Variants in GRID1 observed in about 807,000 individuals in gnomAD.
GRID1 encodes glutamate receptor ionotropic, delta-1.
Under a neutral mutation model 98.0 loss-of-function variants are expected in GRID1, and 28 were observed. The ratio of observed to expected loss-of-function variants is 0.29; its 90% confidence interval spans 0.21 to 0.39. The LOEUF (loss-of-function observed/expected upper bound fraction) is 0.39, where lower values mean the gene tolerates loss of function less well. Ranked by LOEUF, GRID1 falls within the 10% of genes least tolerant of loss-of-function variation. The pLI is 1.00. For missense variants in GRID1, 1,111 were observed against 1,340.5 expected, an observed-to-expected ratio of 0.83 and a Z score of 2.67; for synonymous variants, 553 against 538.5, an observed-to-expected ratio of 1.03 and a Z score of -0.37.
In GRID1 at chr10:85,602,353, G is replaced by A. The variant is rs200155023; in HGVS notation, c.2950C>T (p.Pro984Ser). ...GLFRQSPVKT[P>S]IPMSFQPVPG... ...ACGGGCTGGAAGGACATGGGGATGG[G>A]GGTCTTCACCGGGCTCTGCCGGAAC... is the stretch of plus-strand genomic sequence containing the variant. Residue 984 changes from proline to serine, a missense_variant, in exon 16 of 16, where the codon CCC becomes TCC. This residue lies in a region of GRID1 where 762 missense variants were observed against 869.1 expected (regional missense o/e 0.88). Transcript: ENST00000327946. 7.2e-5 allele frequency: 115 copies of A among 1,592,512 alleles called. No homozygotes were observed. The highest frequency in any genetic ancestry group is 2.4e-4 in the African/African-American group (18 of 74,724).
chr10:85,951,309 AT>A (rs1310245912), intron 4 of GRID1, among the ~76,000 whole-genome samples: 1 of 152,214 alleles, frequency 6.6e-6, no homozygotes, highest in Non-Finnish European at 1.5e-5. Flanking sequence ...ATCAGAGCAA[AT>A]AAAAGGACAA....
At chr10:85,653,354 G>A (rs1422489436) in intron 12 of GRID1, among the ~76,000 whole-genome samples, 1 of 152,210 alleles carries the variant, frequency 6.6e-6, no homozygotes, top group Non-Finnish European at 1.5e-5. Context: ...TGACATCTAG[G>A]GCATGTGTTT....
chr10:86,260,867 C>T lies in GRID1; in HGVS notation c.236-54219G>A, dbSNP rs1589429687. 2.0e-5 allele frequency among the ~76,000 whole-genome samples: 3 copies of T among 152,248 alleles called. No individual in the cohort carries two copies. In the East Asian group the frequency reaches 5.8e-4, roughly 29 times the overall value. ...GCTGATAAGACAGCCGGTTCCTTCA[C>T]CTGTGATGGAGGAAATGTTTTGTAT... On this transcript the variant is annotated intron_variant, in intron 2 of 15. Coordinates refer to ENST00000327946, the MANE Select transcript of GRID1 (RefSeq NM_017551.3).
Position 85,927,530 on chromosome 10 carries a change from T to C in GRID1, c.727-11291A>G, listed in dbSNP as rs564842662. Among the ~76,000 whole-genome samples the C allele has an allele frequency of 1.0e-4, 15 of 145,904 alleles. 1 individual carries two copies. The South Asian group carries it at 3.3e-3, about 32-fold the overall frequency. ...TCTTGTAAAAAAAAAAAAAAATCTGTGGGAAAGTTGGAGATATACTGCACT... is the reference window on the plus strand; with the variant it reads ...TCTTGTAAAAAAAAAAAAAAATCTGCGGGAAAGTTGGAGATATACTGCACT... On this transcript the variant is annotated intron_variant, in intron 4 of 15. Coordinates refer to ENST00000327946, the MANE Select transcript of GRID1 (RefSeq NM_017551.3).
chr10:85,876,783 T>C (rs1298411943), intron 5 of GRID1, among the ~76,000 whole-genome samples: 1 of 152,178 alleles, frequency 6.6e-6, no homozygotes, highest in African/African-American at 2.4e-5. Context: ...GCGCACCGTG[T>C]GCCAGCCGAA....
At position 85,789,352 on chromosome 10, in the gene GRID1, A is replaced by G. The variant is rs557968109; in HGVS notation, c.1234-59738T>C. On this transcript the variant is annotated intron_variant, in intron 8 of 15. Coordinates refer to ENST00000327946, the MANE Select transcript of GRID1 (RefSeq NM_017551.3). The stretch of plus-strand genomic sequence containing the variant: ...CAGAGGGCCCTGGGGAAGATGCCAG[A>G]GCAGCCGCAGTGTGGAGAGGACCTG... Among the ~76,000 whole-genome samples the G allele has an allele frequency of 1.9e-3, 293 of 152,250 alleles. 2 individuals are homozygous for G. Among genetic ancestry groups the G allele is most frequent in the African/African-American group, 5.8e-3 (243 of 41,552 alleles).
chr10:85,826,065 G>A (rs771351229), intron 8 of GRID1, among the ~76,000 whole-genome samples: 2 of 152,152 alleles, frequency 1.3e-5, no homozygotes, highest in African/African-American at 2.4e-5. Flanking sequence ...GTTGGCTCAC[G>A]CCTGTAATCC....
At chr10:85,726,910 A>G (rs1841766729) in intron 10 of GRID1, among the ~76,000 whole-genome samples, 1 of 152,274 alleles carries the variant, frequency 6.6e-6, no homozygotes, top group Non-Finnish European at 1.5e-5. Flanking sequence ...TAAATTTTAT[A>G]GTATGTGAAT....
chr10:86,122,292 G>A (rs777949440), intron 4 of GRID1, among the ~76,000 whole-genome samples: 19 of 152,170 alleles, frequency 1.2e-4, no homozygotes, highest in Non-Finnish European at 2.2e-4. Flanking sequence ...ACTGTTCCCC[G>A]CTCCCTACCC....
intron 13 of GRID1, among the ~76,000 whole-genome samples, chr10:85,622,955 C>G (rs1352294273): frequency 6.6e-6 from 1 of 152,196 alleles, no homozygotes. Flanking sequence ...AAGTACATGC[C>G]TAGAGCTCCC....
intron 8 of GRID1, among the ~76,000 whole-genome samples, chr10:85,787,835 C>A (rs2132735917): frequency 6.6e-6 from 1 of 152,240 alleles, no homozygotes; most frequent in East Asian, 1.9e-4. Context: ...CCCACACCAC[C>A]AGCCACTCCC....
intron 4 of GRID1, among the ~76,000 whole-genome samples, chr10:86,011,350 C>T (rs1347807045): frequency 6.6e-6 from 1 of 151,936 alleles, no homozygotes; most frequent in Non-Finnish European, 1.5e-5. Flanking sequence ...TCTGCTATAC[C>T]TAACACCTGG....
chr10:86,206,756 G>T lies in GRID1; in HGVS notation c.236-108C>A, dbSNP rs908066282. On this transcript the variant is annotated intron_variant, in intron 2 of 15. Coordinates refer to ENST00000327946, the MANE Select transcript of GRID1 (RefSeq NM_017551.3). The surrounding 1 kb of genome is among the most constrained non-coding windows in gnomAD (Gnocchi z 4.1). ...CAGCTCATGCCCAGGACTCCCAAGA[G>T]AGGCTGCCTCCCTCCAGGACCAAGA... 89 of 1,045,420 alleles carry T rather than the reference G, an allele frequency of 8.5e-5. No homozygotes were observed. In the Middle Eastern group the frequency reaches 1.7e-3, roughly 20 times the overall value. The allele number at this position is 1,045,420 out of a possible 1,614,324, so 64.8% of individuals were successfully genotyped here.
At chr10:85,998,407 A>C (rs1437063708) in intron 4 of GRID1, among the ~76,000 whole-genome samples, 3 of 152,216 alleles carry the variant, frequency 2.0e-5, no homozygotes, top group South Asian at 2.1e-4. Context: ...AAAAAGTCTA[A>C]AGAAAAATTA....
chr10:86,072,974 G>A (rs902138752), intron 4 of GRID1, among the ~76,000 whole-genome samples: 1 of 152,206 alleles, frequency 6.6e-6, no homozygotes, highest in Non-Finnish European at 1.5e-5. Context: ...GATAGCTGAT[G>A]GAATTTTTCC....
chr10:85,867,393 A>G (rs1445449593), intron 6 of GRID1, among the ~76,000 whole-genome samples: 1 of 152,176 alleles, frequency 6.6e-6, no homozygotes, highest in Non-Finnish European at 1.5e-5. Context: ...GAGAGAAGCT[A>G]GAAAGACCCT....
chr10:86,072,004 G>A (rs988732611), intron 4 of GRID1, among the ~76,000 whole-genome samples: 13 of 152,210 alleles, frequency 8.5e-5, no homozygotes, highest in Non-Finnish European at 2.9e-5. Context: ...CTGGTGCGAG[G>A]AAGAAACTGT....
At chr10:86,122,252 C>G (rs1844687188) in intron 4 of GRID1, among the ~76,000 whole-genome samples, 2 of 152,234 alleles carry the variant, frequency 1.3e-5, no homozygotes, top group African/African-American at 2.4e-5. Context: ...CTGAGTAACT[C>G]CCAAAACCCT....
At chr10:85,778,699 TTTTAGAGAAAC>T (rs1230118442) in intron 8 of GRID1, among the ~76,000 whole-genome samples, 1 of 152,148 alleles carries the variant, frequency 6.6e-6, no homozygotes, top group East Asian at 1.9e-4. Flanking sequence ...TAGCAAGGTG[TTTTAGAGAAAC>T]TTCTGAGACA....
Sources: allele counts gnomAD v4.1 joint callset (sites outside exome capture counted in the v4.1 genomes callset), GRCh38; gene constraint gnomAD v4.1.1; regional missense constraint gnomAD v4.1.1; non-coding constraint Gnocchi (gnomAD v3.1); transcripts MANE v1.5; gene names NCBI Gene and HGNC (gene_info 2026-07-23, HGNC 2026-07-21).